KCNJ6: variants seen among roughly 807,000 people sequenced by gnomAD.
KCNJ6 encodes the protein G protein-activated inward rectifier potassium channel 2.
Under a neutral mutation model 34.2 loss-of-function variants are expected in KCNJ6, and 9 were observed. The observed-to-expected ratio is 0.26, with a 90% CI of 0.16 to 0.46. KCNJ6 has a LOEUF of 0.46. KCNJ6 is among the 20% of genes least tolerant of loss of function. The probability of loss-of-function intolerance (pLI) is 1.00; values close to 1 mark genes in which losing one functional copy is unlikely to be tolerated. For synonymous variants in KCNJ6, 196 were observed against 207.1 expected (o/e 0.95, Z 0.46); for missense variants, 236 against 531.3 (o/e 0.44, Z 5.46).
Position 37,621,100 on chromosome 21 carries a change from C to T in KCNJ6, c.*4059G>A, listed in dbSNP as rs188400286. On this transcript the variant is annotated 3_prime_UTR_variant, in exon 4 of 4. Coordinates refer to ENST00000609713, the MANE Select transcript of KCNJ6 (RefSeq NM_002240.5). ...TATGTTTTTCAATGTTAAAGCCATC[C>T]ATTGAAAGGAAATCATCCTTGAAGA... 1.3e-5 allele frequency: 2 copies of T among 152,098 alleles called. No homozygotes were observed. Among genetic ancestry groups the T allele is most frequent in the Admixed American group, 6.6e-5 (1 of 15,266 alleles). The allele number at this position is 152,098 out of a possible 1,614,324, so 9.4% of individuals were successfully genotyped here.
At chr21:37,840,776 A>T in intron 1 of KCNJ6, 67 bp from the exon 2 acceptor site, 1 of 833,644 alleles carries the variant, frequency 1.2e-6, no homozygotes, top group Non-Finnish European at 2.0e-6. Flanking sequence ...TCTAATTGCC[A>T]TTTACAGCTA....
Position 37,643,065 on chromosome 21 carries a change from G to T in KCNJ6, c.947-17581C>A, listed in dbSNP as rs542879800. ...TGAACAATATAGAGCTATGGGTGGT[G>T]GGGGGGACAGCTTAACAAAAGACTT... On this transcript the variant is annotated intron_variant, in intron 3 of 3. Transcript: ENST00000609713. Among the ~76,000 whole-genome samples the T allele has an allele frequency of 3.3e-5, 5 of 152,140 alleles. No individual in the cohort carries two copies. In the South Asian group the frequency reaches 1.0e-3, roughly 32 times the overall value.
rs1300888849 is a variant in KCNJ6, at chr21:37,879,759, C to CAG, written c.-28+36123_-28+36124dup. Among the ~76,000 whole-genome samples, 33 of 111,694 alleles carry CAG rather than the reference C, an allele frequency of 3.0e-4. No homozygotes were observed. In the East Asian group the frequency reaches 3.4e-3, roughly 12 times the overall value. The allele number at this position is 111,694 out of a possible 152,430, so 73.3% of individuals were successfully genotyped here. ...TGTGTGTGTGTGTGTGTGTGTGTGA[C>CAG]AGAGAGAGAGAGAGACAGAGAGAGA... On this transcript the variant is annotated intron_variant, in intron 1 of 3. Transcript: ENST00000609713.
At chr21:37,638,075 G>T (rs1419733753) in intron 3 of KCNJ6, among the ~76,000 whole-genome samples, 1 of 152,230 alleles carries the variant, frequency 6.6e-6, no homozygotes, top group Admixed American at 6.5e-5. Flanking sequence ...CCAAGCTCCA[G>T]AGTCTACGCT....
chr21:37,676,068 A>C (rs1029846878), intron 3 of KCNJ6, among the ~76,000 whole-genome samples: 2 of 152,228 alleles, frequency 1.3e-5, no homozygotes, highest in Non-Finnish European at 2.9e-5. Flanking sequence ...ATTCGTGGGC[A>C]CCACAGAACT....
chr21:37,782,967 T>C (rs771114204), intron 2 of KCNJ6, among the ~76,000 whole-genome samples: 2 of 152,184 alleles, frequency 1.3e-5, no homozygotes, highest in Non-Finnish European at 2.9e-5. Flanking sequence ...CCCCAAACAT[T>C]TTAATTCCAG....
chr21:37,693,755 T>C (rs2054651061), intron 3 of KCNJ6, among the ~76,000 whole-genome samples: 1 of 152,202 alleles, frequency 6.6e-6, no homozygotes, highest in African/African-American at 2.4e-5. Context: ...TTGATAATCA[T>C]TATAAAGAAG....
intron 3 of KCNJ6, among the ~76,000 whole-genome samples, chr21:37,705,893 G>A (rs2054717031): frequency 2.6e-5 from 4 of 152,138 alleles, no homozygotes; most frequent in Admixed American, 2.6e-4. Context: ...GGCAAGATAG[G>A]CTAGATTTTA....
At chr21:37,904,002 C>A (rs77565141) in intron 1 of KCNJ6, among the ~76,000 whole-genome samples, 2,133 of 152,220 alleles carry the variant, frequency 0.014, 52 homozygotes, top group African/African-American at 0.049. Context: ...TTAAGAAAAC[C>A]TTATTAATGC....
intron 2 of KCNJ6, among the ~76,000 whole-genome samples, chr21:37,779,073 T>A (rs1306055869): frequency 6.6e-6 from 1 of 152,202 alleles, no homozygotes; most frequent in Non-Finnish European, 1.5e-5. Context: ...AAAATTTAGA[T>A]ATTTTATTCA....
At chr21:37,794,726 G>A (rs914276580) in intron 2 of KCNJ6, among the ~76,000 whole-genome samples, 4 of 151,994 alleles carry the variant, frequency 2.6e-5, no homozygotes, top group Non-Finnish European at 4.4e-5. Context: ...GGGGCCTGTC[G>A]GGAGTTGGGG....
intron 3 of KCNJ6, among the ~76,000 whole-genome samples, chr21:37,693,945 A>G (rs1049442220): frequency 6.6e-6 from 1 of 151,916 alleles, no homozygotes; most frequent in Non-Finnish European, 1.5e-5. Flanking sequence ...TAAAAAAAAC[A>G]AACATTGGAA....
intron 3 of KCNJ6, among the ~76,000 whole-genome samples, chr21:37,643,257 G>GA (rs1399373268): frequency 6.6e-6 from 1 of 152,098 alleles, no homozygotes; most frequent in Non-Finnish European, 1.5e-5. Context: ...CAGTCAAGTG[G>GA]AAAAAACAGT....
intron 3 of KCNJ6, among the ~76,000 whole-genome samples, chr21:37,653,747 A>C (rs1445943418): frequency 1.3e-5 from 2 of 152,194 alleles, no homozygotes; most frequent in East Asian, 3.8e-4. Flanking sequence ...TAGTTTAATT[A>C]TCTTGCCTTT....
chr21:37,735,818 G>A (rs858023), intron 2 of KCNJ6, among the ~76,000 whole-genome samples: 54,051 of 152,104 alleles, frequency 0.36, 10,700 homozygotes, highest in Admixed American at 0.46. Context: ...GGCAGTGGCA[G>A]CTGGGGCAGA....
intron 2 of KCNJ6, among the ~76,000 whole-genome samples, chr21:37,730,118 G>T (rs2835916): frequency 5.3e-5 from 8 of 152,036 alleles, no homozygotes. Flanking sequence ...CTGAGAGCAA[G>T]AAGAAATCTA....
At chr21:37,633,951 A>G (rs1601396261) in intron 3 of KCNJ6, among the ~76,000 whole-genome samples, 1 of 152,308 alleles carries the variant, frequency 6.6e-6, no homozygotes, top group East Asian at 1.9e-4. Flanking sequence ...GATTTGACAA[A>G]TCCTTTCTTA....
intron 3 of KCNJ6, among the ~76,000 whole-genome samples, chr21:37,713,000 A>T (rs1022757377): frequency 6.6e-6 from 1 of 152,130 alleles, no homozygotes; most frequent in Non-Finnish European, 1.5e-5. Flanking sequence ...ATTGAGCTCC[A>T]TGCAAAGCCC....
At chr21:37,722,820 A>T (rs1167304845) in intron 2 of KCNJ6, among the ~76,000 whole-genome samples, 1 of 152,208 alleles carries the variant, frequency 6.6e-6, no homozygotes, top group Non-Finnish European at 1.5e-5. Context: ...TAAGACCTCA[A>T]ACTATAAGAA....
Sources: gnomAD v4.1 joint callset for allele counts (sites outside exome capture counted in the v4.1 genomes callset) on GRCh38, gnomAD v4.1.1 for gene constraint, MANE v1.5 for transcripts, NCBI Gene and HGNC (gene_info 2026-07-23, HGNC 2026-07-21) for gene names.